The following OPTN variants were observed in gnomAD, a reference collection of about 807,000 sequenced individuals.
OPTN encodes E3-14.7K-interacting protein.
Under a neutral mutation model 70.4 loss-of-function variants are expected in OPTN, and 54 were observed. That is an observed-to-expected ratio of 0.77 (90% CI 0.62 to 0.96). The LOEUF (loss-of-function observed/expected upper bound fraction) is 0.96. Ranked by LOEUF, OPTN falls within the 40% of genes least tolerant of loss-of-function variation. OPTN has a pLI of 0.00. For missense variants in OPTN, 624 were observed against 673.2 expected, an observed-to-expected ratio of 0.93 and a Z score of 0.81; for synonymous variants, 256 against 248.5, an observed-to-expected ratio of 1.03 and a Z score of -0.28.
chr10:13,117,438 A>AT (rs1564361082), intron 6 of OPTN, among the ~76,000 whole-genome samples: 5 of 14,994 alleles, frequency 3.3e-4, no homozygotes, highest in Non-Finnish European at 7.5e-4. Flanking sequence ...TTTGAGATGG[A>AT]GTTTTTTTTT....
At chr10:13,136,060 G>C (rs1833691923) in intron 14 of OPTN, among the ~76,000 whole-genome samples, 1 of 152,094 alleles carries the variant, frequency 6.6e-6, no homozygotes. Flanking sequence ...GGTGGCACGT[G>C]CCTGTAGTCG....
intron 12 of OPTN, among the ~76,000 whole-genome samples, chr10:13,130,469 AC>A (rs1180875536): frequency 9.0e-4 from 131 of 145,428 alleles, no homozygotes; most frequent in African/African-American, 3.2e-3. Context: ...CACTGTTCTT[AC>A]TGCCTGGGAT....
rs33911800 is a variant in OPTN at position 13,109,834 on chromosome 10, C to CAAA, written c.167-423_167-421dup. ...TGGATGACAGAGAGAGACCCTGACT[C>CAAA]AAAAAAAAAAAAAAAAAAAGGAAAA... On this transcript the variant is annotated intron_variant, in intron 3 of 14. Coordinates refer to ENST00000378747, the MANE Select transcript of OPTN (RefSeq NM_001008212.2). Among the ~76,000 whole-genome samples the CAAA allele has an allele frequency of 8.1e-3, 687 of 84,428 alleles. 9 individuals carry two copies. The highest frequency in any genetic ancestry group is 0.011 in the Non-Finnish European group (475 of 44,640). The allele number at this position is 84,428 out of a possible 152,430, so 55.4% of individuals were successfully genotyped here. A position where few individuals can be genotyped will look rare whatever the true frequency, so the allele number is the denominator to read the frequency against.
chr10:13,127,863 AG>A lies in OPTN; in HGVS notation c.1363del (p.Glu455LysfsTer7), dbSNP rs1184301984. 6.2e-7 allele frequency: 1 copy of A among 1,614,196 alleles called. No homozygotes were observed. The highest frequency in any genetic ancestry group is 1.7e-5 in the Admixed American group (1 of 60,020). On this transcript the variant is annotated frameshift_variant, in exon 12 of 15. Coordinates refer to ENST00000378747, the MANE Select transcript of OPTN (RefSeq NM_001008212.2). LOFTEE classifies it high-confidence loss of function. ...MDEMKQTIAK[Q>X]EEDLETMTIL... is the part of the protein sequence containing the mutation. Reference sequence around the variant, plus strand: ...GAAATGAAGCAAACCATTGCCAAGCAGGAAGAGGACCTGGAAACCATGACCA... The same window carrying A: ...GAAATGAAGCAAACCATTGCCAAGCAGAAGAGGACCTGGAAACCATGACCA...
chr10:13,102,529 A>G (rs969091909), intron 1 of OPTN, among the ~76,000 whole-genome samples: 3 of 152,250 alleles, frequency 2.0e-5, no homozygotes, highest in Non-Finnish European at 1.5e-5. Context: ...CTGGGGATAC[A>G]GCAGTGGACA....
At position 13,125,467 on chromosome 10, in the gene OPTN, G is replaced by C; in HGVS notation, c.1048G>C (p.Glu350Gln). The change falls in exon 10 of 15, where the codon GAA becomes CAA. Residue 350 changes from glutamate to glutamine, a missense_variant. By Grantham distance (29) the Glu-to-Gln change is conservative. Transcript: ENST00000378747. The stretch of plus-strand genomic sequence containing the variant: ...TTCTGCAATTCCATCAGAGTTGAAT[G>C]AAAAGCAAGAGCTTGTTTATACTAA... ...KNSAIPSELN[E>Q]KQELVYTNKK... The C allele has an allele frequency of 6.2e-7, 1 of 1,614,164 alleles. No individual in the cohort carries two copies. The highest frequency in any genetic ancestry group is 8.5e-7 in the Non-Finnish European group (1 of 1,180,012).
chr10:13,136,902 A>G lies in OPTN; in HGVS notation c.*36A>G. 1 of 1,613,678 alleles carries G rather than the reference A, an allele frequency of 6.2e-7. No individual in the cohort carries two copies. The highest frequency in any genetic ancestry group is 8.5e-7 in the Non-Finnish European group (1 of 1,179,720). On this transcript the variant is annotated 3_prime_UTR_variant, in exon 15 of 15. Transcript: ENST00000378747. ...ATCACCTCCCCAAAACTGTTGGTAAATGTCAGATTTTTTCCTCCAAGAGTT... is the reference window on the plus strand; with the variant it reads ...ATCACCTCCCCAAAACTGTTGGTAAGTGTCAGATTTTTTCCTCCAAGAGTT...
intron 13 of OPTN, 44 bp from the exon 14 acceptor site, chr10:13,133,458 G>A (rs1160325749): frequency 2.6e-6 from 4 of 1,530,158 alleles, no homozygotes; most frequent in Admixed American, 1.7e-5. Context: ...TCATGTTTCG[G>A]GGTTGTAGAA....
At chr10:13,129,108 A>G (rs2131524018) in intron 12 of OPTN, among the ~76,000 whole-genome samples, 1 of 152,312 alleles carries the variant, frequency 6.6e-6, no homozygotes, top group Non-Finnish European at 1.5e-5. Context: ...ATTAAGATGT[A>G]CAAACCATTT....
At chr10:13,110,504 G>T (rs1417122368) in intron 4 of OPTN, 28 bp downstream of exon 4, 25 of 1,300,336 alleles carry the variant, frequency 1.9e-5, no homozygotes, top group African/African-American at 5.9e-5. Flanking sequence ...TTGTGATGTT[G>T]TTTTTTTTTT....
chr10:13,113,315 C>T lies in OPTN; in HGVS notation c.552+680C>T, dbSNP rs140811177. On this transcript the variant is annotated intron_variant, in intron 5 of 14. Coordinates refer to ENST00000378747, the MANE Select transcript of OPTN (RefSeq NM_001008212.2). The stretch of plus-strand genomic sequence containing the variant: ...TGCTGGGATGACAGGCGTGAGCCAC[C>T]GCGCCTGGCCAACAGAACCTTCTTT... Among the ~76,000 whole-genome samples the T allele has an allele frequency of 2.7e-3, 412 of 152,278 alleles. 5 individuals carry two copies. Among genetic ancestry groups the T allele is most frequent in the African/African-American group, 9.5e-3 (396 of 41,552 alleles).
At chr10:13,121,522 A>G (rs1348065978) in intron 7 of OPTN, among the ~76,000 whole-genome samples, 1 of 139,286 alleles carries the variant, frequency 7.2e-6, no homozygotes. Context: ...AAAAAAAAAA[A>G]AAAAAGTGTT....
intron 1 of OPTN, among the ~76,000 whole-genome samples, chr10:13,103,500 C>G (rs897189614): frequency 6.6e-6 from 1 of 152,116 alleles, no homozygotes; most frequent in African/African-American, 2.4e-5. Flanking sequence ...TAGAGCCATC[C>G]CACAGTGGAA....
chr10:13,131,546 C>G (rs1355365341), intron 12 of OPTN: 2 of 154,138 alleles, frequency 1.3e-5, no homozygotes, highest in African/African-American at 4.8e-5. Flanking sequence ...ATGAGGATAG[C>G]CATTCTTTAT....
Position 13,125,886 on chromosome 10 carries a change from G to C in OPTN, c.1149-60G>C, listed in dbSNP as rs1833447045. 2.4e-6 allele frequency: 3 copies of C among 1,262,286 alleles called. No individual in the cohort carries two copies. In the Admixed American group the frequency reaches 5.2e-5, roughly 22 times the overall value. 78.2% of individuals were successfully genotyped at this position (1,262,286 alleles called of 1,614,324 possible). ...GAGTGTTCAGAAGGTTGGGAGGCAA[G>C]ACTATAAGTTTCTATGATATTTTCC... On this transcript the variant is annotated intron_variant, in intron 10 of 14. Coordinates refer to ENST00000378747, the MANE Select transcript of OPTN (RefSeq NM_001008212.2).
chr10:13,108,573 G>A (rs1263226443), intron 2 of OPTN, among the ~76,000 whole-genome samples: 1 of 147,248 alleles, frequency 6.8e-6, no homozygotes, highest in Non-Finnish European at 1.5e-5. Flanking sequence ...TTGAGACGGA[G>A]TCTCGCTCTG....
chr10:13,119,764 G>A (rs1050482207), intron 7 of OPTN, among the ~76,000 whole-genome samples: 2 of 152,106 alleles, frequency 1.3e-5, no homozygotes, highest in African/African-American at 4.8e-5. Flanking sequence ...GATGTGAATT[G>A]GTATCTCATA....
Position 13,109,097 on chromosome 10 carries a change from G to A in OPTN, c.-11-15G>A. On this transcript the variant is annotated splice_polypyrimidine_tract_variant and intron_variant, in intron 2 of 14. Coordinates refer to ENST00000378747, the MANE Select transcript of OPTN (RefSeq NM_001008212.2). ...CGGGGGACAGCTCTATTTTCAACAG[G>A]TGACTTTTCCACAGGAACTTCTGCA... 6.2e-7 allele frequency: 1 copy of A among 1,613,404 alleles called. No individual in the cohort carries two copies. The highest frequency in any genetic ancestry group is 8.5e-7 in the Non-Finnish European group (1 of 1,179,778).
chr10:13,116,413 G>C (rs1441680377), intron 6 of OPTN, 73 bp downstream of exon 6: 1 of 1,022,646 alleles, frequency 9.8e-7, no homozygotes, highest in African/African-American at 1.6e-5. Context: ...TGTCACCGGA[G>C]GTCAAATGTT....
Sources: gnomAD v4.1 joint callset for allele counts (sites outside exome capture counted in the v4.1 genomes callset) on GRCh38, gnomAD v4.1.1 for gene constraint, MANE v1.5 for transcripts, NCBI Gene and HGNC (gene_info 2026-07-23, HGNC 2026-07-21) for gene names.